The following LPP variants were observed in gnomAD, a reference collection of about 807,000 sequenced individuals.
LPP encodes the protein LIM domain containing preferred translocation partner in lipoma.
In LPP, 38 loss-of-function variants were observed where a neutral mutation model predicts 60.4. The observed-to-expected ratio is 0.63, with a 90% CI of 0.49 to 0.83. The LOEUF is 0.83. Ranked by LOEUF, LPP falls within the 40% of genes least tolerant of loss-of-function variation. LPP has a pLI of 0.00. For synonymous variants in LPP, 328 were observed against 290.8 expected (o/e 1.13, Z -1.30); for missense variants, 902 against 783.6 (o/e 1.15, Z -1.80).
intron 5 of LPP, among the ~76,000 whole-genome samples, chr3:188,494,407 A>T (rs1340485452): frequency 6.6e-6 from 1 of 152,192 alleles, no homozygotes; most frequent in African/African-American, 2.4e-5. Flanking sequence ...TCAATGACAC[A>T]CTGTCACCAG....
chr3:188,249,191 G>C (rs1191836002), intron 2 of LPP, among the ~76,000 whole-genome samples: 1 of 152,130 alleles, frequency 6.6e-6, no homozygotes, highest in Non-Finnish European at 1.5e-5. Context: ...TTGAGTCCAG[G>C]AGTTTGAGTG....
intron 7 of LPP, among the ~76,000 whole-genome samples, chr3:188,620,173 G>A (rs1269103694): frequency 2.6e-5 from 4 of 151,852 alleles, no homozygotes; most frequent in Admixed American, 6.6e-5. Flanking sequence ...ATTAAATGGC[G>A]ATTAAATTAA....
intron 2 of LPP, among the ~76,000 whole-genome samples, chr3:188,252,631 A>G (rs1730271476): frequency 6.6e-6 from 1 of 152,168 alleles, no homozygotes; most frequent in African/African-American, 2.4e-5. Context: ...ATGGATGAGA[A>G]GTGGTATCTC....
At chr3:188,188,219 G>A (rs1369107897) in intron 1 of LPP, among the ~76,000 whole-genome samples, 1 of 152,192 alleles carries the variant, frequency 6.6e-6, no homozygotes, top group Non-Finnish European at 1.5e-5. Flanking sequence ...TTTTAGTGGG[G>A]ATCACTTGGC....
rs140137461 is a variant in LPP at position 188,697,258 on chromosome 3, A to G, written c.1114-11009A>G. Among the ~76,000 whole-genome samples the G allele has an allele frequency of 7.6e-3, 1,164 of 152,290 alleles. 14 individuals carry two copies. Among genetic ancestry groups the G allele is most frequent in the African/African-American group, 0.026 (1,095 of 41,552 alleles). On this transcript the variant is annotated intron_variant, in intron 7 of 11. Coordinates refer to ENST00000617246, the MANE Select transcript of LPP (RefSeq NM_001375462.1). ...GCTGAGCCAGAACCGCTCTGACTCA[A>G]ATGAAAACCACCTTGTGTTAGGTGA...
At chr3:188,412,605 A>C (rs1343318534) in intron 4 of LPP, among the ~76,000 whole-genome samples, 2 of 152,192 alleles carry the variant, frequency 1.3e-5, no homozygotes, top group East Asian at 3.8e-4. Context: ...GCTCTTACGA[A>C]TTTTAAATGC....
intron 6 of LPP, among the ~76,000 whole-genome samples, chr3:188,602,164 A>AATATATATAATATATATATAAT (rs1560620365): frequency 2.0e-5 from 2 of 98,924 alleles, no homozygotes; most frequent in African/African-American, 7.6e-5. Context: ...ATATATATAT[A>AATATATATAATATATATATAAT]ATATATATAT....
intron 8 of LPP, among the ~76,000 whole-genome samples, chr3:188,738,183 T>C (rs6763591): frequency 0.22 from 33,612 of 152,094 alleles, 4,242 homozygotes; most frequent in Middle Eastern, 0.43. Context: ...CTGTAGCAAA[T>C]GAGTCCCCGA....
chr3:188,417,739 A>C (rs1786692892), intron 4 of LPP, among the ~76,000 whole-genome samples: 2 of 152,194 alleles, frequency 1.3e-5, no homozygotes, highest in South Asian at 4.1e-4. Context: ...ATCTCTCTGC[A>C]CTTGTCTGTT....
chr3:188,756,931 G>A (rs915437504), intron 8 of LPP, among the ~76,000 whole-genome samples: 2 of 152,190 alleles, frequency 1.3e-5, no homozygotes, highest in Non-Finnish European at 2.9e-5. Flanking sequence ...AGCTGAGAAG[G>A]CAATTCCGTG....
At position 188,888,171 on chromosome 3, in the gene LPP, A is replaced by C. The variant is rs939087406; in HGVS notation, c.*13692A>C. 4 of 218,596 alleles carry C rather than the reference A, an allele frequency of 1.8e-5. No individual in the cohort carries two copies. Among genetic ancestry groups the C allele is most frequent in the Non-Finnish European group, 3.7e-5 (4 of 108,748 alleles). 13.5% of individuals were successfully genotyped at this position (218,596 alleles called of 1,614,324 possible). ...GTTTTGTCTTTTAACCTACACCTTT[A>C]TCATTACTCTAACAGATTTAGGGCT... On this transcript the variant is annotated 3_prime_UTR_variant, in exon 12 of 12. Transcript: ENST00000617246.
In LPP at chr3:188,609,840, C is replaced by G; in HGVS notation, c.1109C>G (p.Pro370Arg). The G allele has an allele frequency of 6.2e-7, 1 of 1,607,976 alleles. No individual in the cohort carries two copies. The highest frequency in any genetic ancestry group is 8.5e-7 in the Non-Finnish European group (1 of 1,177,566). ...GCCCCCTGTGCGCCACCATTGCAGCCAAAGGTAAGAAACTCAGTAACATAA... is the reference window on the plus strand; with the variant it reads ...GCCCCCTGTGCGCCACCATTGCAGCGAAAGGTAAGAAACTCAGTAACATAA... ...VSAPCAPPLQPKGGHSGQLGP... is the reference protein window; with the variant it reads ...VSAPCAPPLQRKGGHSGQLGP... The change falls in exon 7 of 12, where the codon CCA becomes CGA. Residue 370 changes from proline to arginine, a missense_variant. Coordinates refer to ENST00000617246, the MANE Select transcript of LPP (RefSeq NM_001375462.1). The surrounding 1 kb of genome is among the most constrained non-coding windows in gnomAD (Gnocchi z 6.9).
intron 4 of LPP, among the ~76,000 whole-genome samples, chr3:188,421,759 C>T (rs1431773643): frequency 6.6e-6 from 1 of 152,064 alleles, no homozygotes; most frequent in East Asian, 1.9e-4. Context: ...TCTTGTATTC[C>T]TTAACAAAAG....
intron 2 of LPP, among the ~76,000 whole-genome samples, chr3:188,329,227 A>G (rs746891033): frequency 6.6e-6 from 1 of 152,214 alleles, no homozygotes; most frequent in South Asian, 2.1e-4. Flanking sequence ...CTAAGATGGC[A>G]GCACAAGTTA....
At chr3:188,547,694 AT>A (rs1269777661) in intron 6 of LPP, among the ~76,000 whole-genome samples, 2 of 152,210 alleles carry the variant, frequency 1.3e-5, no homozygotes, top group Non-Finnish European at 2.9e-5. Context: ...TTTTACAAAA[AT>A]AAAACAAAAT....
chr3:188,508,032 T>A (rs111444237), intron 5 of LPP, among the ~76,000 whole-genome samples: 1,866 of 152,324 alleles, frequency 0.012, 42 homozygotes, highest in African/African-American at 0.042. Flanking sequence ...TTAGATGGAT[T>A]GCTATAACAT....
At position 188,874,436 on chromosome 3, in the gene LPP, C is replaced by T. The variant is rs933914886; in HGVS notation, c.1796C>T (p.Ala599Val). ...ATCCTCTGCAAGACCTGCAACTCTG[C>T]CCGCATCAGGGTGTTGACCGCCAAG... is the stretch of plus-strand genomic sequence containing the variant. ...GHILCKTCNS[A>V]RIRVLTAKAS... The change falls in exon 12 of 12, where the codon GCC becomes GTC. Residue 599 changes from alanine to valine, a missense_variant. By Grantham distance (64) the Ala-to-Val change is moderately conservative (BLOSUM62 0). Coordinates refer to ENST00000617246, the MANE Select transcript of LPP (RefSeq NM_001375462.1). The T allele has an allele frequency of 2.5e-6, 4 of 1,614,202 alleles. No individual in the cohort carries two copies. Among genetic ancestry groups the T allele is most frequent in the Middle Eastern group, 3.3e-4 (2 of 6,062 alleles).
intron 2 of LPP, among the ~76,000 whole-genome samples, chr3:188,282,099 G>A (rs1323667107): frequency 3.3e-5 from 5 of 149,570 alleles, no homozygotes; most frequent in South Asian, 4.2e-4. Flanking sequence ...CTTACCGTTC[G>A]TCTCCTTTTC....
intron 3 of LPP, among the ~76,000 whole-genome samples, chr3:188,405,845 T>A (rs911864767): frequency 6.6e-6 from 1 of 151,640 alleles, no homozygotes; most frequent in African/African-American, 2.4e-5. Context: ...ATATTCAAGT[T>A]TGAGGCAGTG....
Sources: allele counts gnomAD v4.1 joint callset (sites outside exome capture counted in the v4.1 genomes callset), GRCh38; gene constraint gnomAD v4.1.1; non-coding constraint Gnocchi (gnomAD v3.1); transcripts MANE v1.5; gene names NCBI Gene and HGNC (gene_info 2026-07-23, HGNC 2026-07-21).